FCHSD2: variants seen among roughly 807,000 people sequenced by gnomAD.
FCHSD2 encodes FCH and double SH3 domains 2.
A neutral mutation model predicts 108.1 loss-of-function variants in FCHSD2; 38 were observed. The observed-to-expected ratio is 0.35, with a 90% CI of 0.27 to 0.46. The LOEUF (loss-of-function observed/expected upper bound fraction) is 0.46. Among genes scored for constraint, FCHSD2 ranks in the 20% least tolerant of loss-of-function variants. FCHSD2 has a pLI of 1.00. For missense variants in FCHSD2, 751 were observed against 897.8 expected (o/e 0.84, Z 2.09); for synonymous variants, 279 against 314.7 (o/e 0.89, Z 1.20).
At chr11:73,003,095 A>G (rs546018892) in intron 4 of FCHSD2, among the ~76,000 whole-genome samples, 1 of 152,348 alleles carries the variant, frequency 6.6e-6, no homozygotes, top group South Asian at 2.1e-4. Flanking sequence ...AGACCTTTAG[A>G]GTTTAGCAGA....
At chr11:72,896,849 CAG>C (rs1265683061) in intron 10 of FCHSD2, among the ~76,000 whole-genome samples, 1 of 146,814 alleles carries the variant, frequency 6.8e-6, no homozygotes, top group Non-Finnish European at 1.5e-5. Flanking sequence ...TTGTTTGAGA[CAG>C]AGTCTCACCC....
At chr11:73,070,381 C>A (rs186520050) in intron 3 of FCHSD2, among the ~76,000 whole-genome samples, 1 of 152,090 alleles carries the variant, frequency 6.6e-6, no homozygotes, top group African/African-American at 2.4e-5. Flanking sequence ...CCTAGCATCA[C>A]GCCAGTCGTA....
At chr11:73,129,024 A>T (rs1045545077) in intron 2 of FCHSD2, among the ~76,000 whole-genome samples, 1 of 152,016 alleles carries the variant, frequency 6.6e-6, no homozygotes, top group Non-Finnish European at 1.5e-5. Context: ...GGCATGTGCC[A>T]CCGTGCCTGG....
At chr11:72,948,494 TTC>T (rs1309976965) in intron 8 of FCHSD2, among the ~76,000 whole-genome samples, 1 of 152,116 alleles carries the variant, frequency 6.6e-6, no homozygotes, top group Admixed American at 6.6e-5. Context: ...ACAACATAAT[TTC>T]TGAGACAAAG....
intron 9 of FCHSD2, among the ~76,000 whole-genome samples, chr11:72,919,642 GCTAT>G (rs909875383): frequency 8.1e-4 from 123 of 152,206 alleles, no homozygotes; most frequent in African/African-American, 2.8e-3. Flanking sequence ...TAAAATATTA[GCTAT>G]CTGTTACGAC....
At chr11:72,922,737 TAATC>T (rs1180363721) in intron 8 of FCHSD2, among the ~76,000 whole-genome samples, 4 of 152,088 alleles carry the variant, frequency 2.6e-5, no homozygotes, top group Admixed American at 6.6e-5. Flanking sequence ...TAATTAATAA[TAATC>T]AAGGTTCTGA....
At position 73,116,256 on chromosome 11, in the gene FCHSD2, A is replaced by G. The variant is rs184100530; in HGVS notation, c.119+23775T>C. Reference sequence around the variant, plus strand: ...TTTATAAAAACCCAATTTCATTATTACTTAATTTTCTTATATACCACTAGA... The same window carrying G: ...TTTATAAAAACCCAATTTCATTATTGCTTAATTTTCTTATATACCACTAGA... On this transcript the variant is annotated intron_variant, in intron 2 of 19. Coordinates refer to ENST00000409418, the MANE Select transcript of FCHSD2 (RefSeq NM_014824.3). Among the ~76,000 whole-genome samples, 85 of 152,310 alleles carry G rather than the reference A, an allele frequency of 5.6e-4. No homozygotes were observed. In the East Asian group the frequency reaches 0.01, roughly 19 times the overall value.
In FCHSD2 at chr11:72,907,599, G is replaced by GTTTT. The variant is rs35079551; in HGVS notation, c.829-4965_829-4962dup. Among the ~76,000 whole-genome samples the GTTTT allele has an allele frequency of 2.2e-3, 255 of 114,614 alleles. 30 individuals are homozygous for GTTTT. Among genetic ancestry groups the GTTTT allele is most frequent in the African/African-American group, 2.7e-3 (79 of 29,144 alleles). The allele number at this position is 114,614 out of a possible 152,430, so 75.2% of individuals were successfully genotyped here. A position where few individuals can be genotyped will look rare whatever the true frequency, so the allele number is the denominator to read the frequency against. ...TGCATCTATTGAGATAATCACGTGG[G>GTTTT]TTTTTTTTTTTTTTTTTTTTCTTGA... On this transcript the variant is annotated intron_variant, in intron 9 of 19. Transcript: ENST00000409418.
At chr11:72,927,346 T>C (rs1290341806) in intron 8 of FCHSD2, among the ~76,000 whole-genome samples, 1 of 152,192 alleles carries the variant, frequency 6.6e-6, no homozygotes, top group Non-Finnish European at 1.5e-5. Context: ...AAACTGAGAA[T>C]GTACAATACA....
chr11:72,997,933 T>A (rs1857551327), intron 5 of FCHSD2, among the ~76,000 whole-genome samples: 1 of 152,180 alleles, frequency 6.6e-6, no homozygotes, highest in Non-Finnish European at 1.5e-5. Flanking sequence ...ACTGAAATGA[T>A]CTTTCCACCT....
intron 2 of FCHSD2, among the ~76,000 whole-genome samples, chr11:73,132,914 A>G (rs1456012118): frequency 6.6e-6 from 1 of 152,080 alleles, no homozygotes; most frequent in Non-Finnish European, 1.5e-5. Context: ...GTTATAAAGA[A>G]CTCTTAAAAT....
At chr11:73,004,109 C>CAAAA (rs58773322) in intron 4 of FCHSD2, among the ~76,000 whole-genome samples, 2 of 43,044 alleles carry the variant, frequency 4.6e-5, no homozygotes, top group Non-Finnish European at 3.9e-5. Context: ...ACTCCAACTC[C>CAAAA]AAAAAAAAAA....
chr11:72,963,143 A>T (rs561630032), intron 8 of FCHSD2, among the ~76,000 whole-genome samples: 2 of 152,328 alleles, frequency 1.3e-5, no homozygotes, highest in African/African-American at 4.8e-5. Flanking sequence ...GTGTGTTTTT[A>T]AAAAAATATT....
chr11:72,938,213 T>G (rs1298702122), intron 8 of FCHSD2, among the ~76,000 whole-genome samples: 1 of 150,784 alleles, frequency 6.6e-6, no homozygotes, highest in Non-Finnish European at 1.5e-5. Flanking sequence ...GACGGAGTTT[T>G]GCTCTTGTTG....
intron 14 of FCHSD2, among the ~76,000 whole-genome samples, chr11:72,844,453 C>T (rs1053544517): frequency 2.6e-5 from 4 of 152,146 alleles, no homozygotes; most frequent in South Asian, 2.1e-4. Flanking sequence ...TGCGTGCTAC[C>T]GTACAAGCTG....
chr11:72,938,676 A>G (rs1856352847), intron 8 of FCHSD2, among the ~76,000 whole-genome samples: 1 of 152,080 alleles, frequency 6.6e-6, no homozygotes, highest in African/African-American at 2.4e-5. Context: ...GTCAATTTTC[A>G]TCATTCTTTT....
chr11:72,887,599 T>C (rs770267064), intron 11 of FCHSD2, 25 bp from the exon 12 acceptor site: 3 of 1,397,078 alleles, frequency 2.1e-6, no homozygotes, highest in South Asian at 2.8e-5. Flanking sequence ...GGGACAATAA[T>C]GATGACTGTT....
intron 3 of FCHSD2, among the ~76,000 whole-genome samples, chr11:73,065,022 C>T (rs1258298754): frequency 6.6e-6 from 1 of 152,110 alleles, no homozygotes; most frequent in African/African-American, 2.4e-5. Context: ...CCAGCATCAT[C>T]CTGATACCAA....
chr11:73,007,045 C>T lies in FCHSD2; in HGVS notation c.243-5911G>A, dbSNP rs148712178. On this transcript the variant is annotated intron_variant, in intron 4 of 19. Transcript: ENST00000409418. ...TTATGTATCCTAAGTCCTTTGTACA[C>T]ATCATCTACTATTTTTGTCTCCTAT... 2.1e-4 allele frequency among the ~76,000 whole-genome samples: 32 copies of T among 152,292 alleles called. 1 individual carries two copies. Among genetic ancestry groups the T allele is most frequent in the African/African-American group, 7.2e-4 (30 of 41,572 alleles).
Sources: gnomAD v4.1 joint callset for allele counts (sites outside exome capture counted in the v4.1 genomes callset) on GRCh38, gnomAD v4.1.1 for gene constraint, MANE v1.5 for transcripts, NCBI Gene and HGNC (gene_info 2026-07-23, HGNC 2026-07-21) for gene names.